Variants in IRAK3 observed in about 807,000 individuals in gnomAD.
The protein encoded by IRAK3 is interleukin-1 receptor-associated kinase 3.
Under a neutral mutation model 56.6 loss-of-function variants are expected in IRAK3, and 57 were observed. The ratio of observed to expected loss-of-function variants is 1.01; its 90% CI spans 0.81 to 1.26. IRAK3 has a LOEUF of 1.26. IRAK3 is among the 50% of genes most tolerant of loss of function. The pLI is 0.00. For synonymous variants in IRAK3, 258 were observed against 255.7 expected (o/e 1.01, Z -0.09); for missense variants, 703 against 719.0 (o/e 0.98, Z 0.25).
chr12:66,248,102 C>T lies in IRAK3; in HGVS notation c.1722C>T (p.Ser574=). Reference sequence around the variant, plus strand: ...AAGCTCCAGGGCATTCTTGCAGGAGCAGGCCAGTGGAGAGCAGCTGTTCCT... The same window carrying T: ...AAGCTCCAGGGCATTCTTGCAGGAGTAGGCCAGTGGAGAGCAGCTGTTCCT... ...SSEAPGHSCR[S]RPVESSCSSK... is the part of the protein sequence containing the mutation. The change falls in exon 12 of 12, where the codon AGC becomes AGT. Residue 574 remains serine (S), a synonymous_variant. Coordinates refer to ENST00000261233, the MANE Select transcript of IRAK3 (RefSeq NM_007199.3). The T allele has an allele frequency of 4.4e-6, 7 of 1,606,036 alleles. No individual in the cohort carries two copies. Among genetic ancestry groups the T allele is most frequent in the African/African-American group, 2.7e-5 (2 of 74,400 alleles).
At chr12:66,246,072 CATG>C (rs3045277) in intron 11 of IRAK3, among the ~76,000 whole-genome samples, 110,492 of 151,576 alleles carry the variant, frequency 0.73, 42,806 homozygotes, top group Non-Finnish European at 0.86. Context: ...GCAAGAGAAA[CATG>C]ATGATAGACA....
intron 5 of IRAK3, among the ~76,000 whole-genome samples, chr12:66,216,384 A>T (rs999204329): frequency 6.6e-5 from 10 of 152,330 alleles, no homozygotes; most frequent in Non-Finnish European, 1.0e-4. Flanking sequence ...AATAGTTTCC[A>T]AAATTCCTGT....
At position 66,221,464 on chromosome 12, in the gene IRAK3, T is replaced by A. The variant is rs2052732914; in HGVS notation, c.653+4229T>A. On this transcript the variant is annotated intron_variant, in intron 6 of 11. Coordinates refer to ENST00000261233, the MANE Select transcript of IRAK3 (RefSeq NM_007199.3). ...GAACTTAGAGGAAAAGCATTCAGCT[T>A]TTCACTGTTAAGGTATGATGTTAGC... is the stretch of plus-strand genomic sequence containing the variant. 2.6e-5 allele frequency among the ~76,000 whole-genome samples: 4 copies of A among 152,314 alleles called. No individual in the cohort carries two copies. The South Asian group carries it at 8.3e-4, about 32-fold the overall frequency.
chr12:66,206,897 T>C (rs1271726269), intron 2 of IRAK3, among the ~76,000 whole-genome samples: 1 of 152,228 alleles, frequency 6.6e-6, no homozygotes, highest in Admixed American at 6.5e-5. Context: ...TATGAGTCCA[T>C]GTATATTGTT....
chr12:66,240,898 A>G (rs1040236548), intron 8 of IRAK3, among the ~76,000 whole-genome samples: 2 of 151,466 alleles, frequency 1.3e-5, no homozygotes, highest in African/African-American at 2.4e-5. Context: ...TTAAAAACCA[A>G]TCATGCTCTT....
In IRAK3 at chr12:66,203,817, CAAGACCATCGGTGA is replaced by C. The variant is rs1364459031; in HGVS notation, c.241_254del (p.Lys81ProfsTer51). ...TACTTTGGTCCTGGGCACAGAAAAA[CAAGACCATCGGTGA>C]CCTTTTACAGGTCCTCCAGGAGATG... On this transcript the variant is annotated frameshift_variant, in exon 2 of 12. Coordinates refer to ENST00000261233, the MANE Select transcript of IRAK3 (RefSeq NM_007199.3). LOFTEE classifies it high-confidence loss of function. The C allele has an allele frequency of 1.2e-6, 2 of 1,613,926 alleles. No homozygotes were observed. The highest frequency in any genetic ancestry group is 2.7e-5 in the African/African-American group (2 of 74,940).
At chr12:66,218,492 A>G (rs1023364665) in intron 6 of IRAK3, among the ~76,000 whole-genome samples, 1 of 152,222 alleles carries the variant, frequency 6.6e-6, no homozygotes, top group South Asian at 2.1e-4. Context: ...GTCCTCCAAT[A>G]TAAGTTATAC....
intron 9 of IRAK3, 71 bp from the exon 10 acceptor site, chr12:66,244,877 G>C: frequency 8.3e-7 from 1 of 1,211,832 alleles, no homozygotes; most frequent in Non-Finnish European, 1.2e-6. Flanking sequence ...TCATAGTCAT[G>C]GTTAATAGTT....
chr12:66,243,222 G>A (rs888055705), intron 8 of IRAK3, among the ~76,000 whole-genome samples: 1 of 152,204 alleles, frequency 6.6e-6, no homozygotes, highest in Non-Finnish European at 1.5e-5. Flanking sequence ...TGAGTCCTCT[G>A]AACAGTAAGA....
chr12:66,230,731 G>C (rs2052836465), intron 8 of IRAK3, among the ~76,000 whole-genome samples: 1 of 152,064 alleles, frequency 6.6e-6, no homozygotes, highest in Admixed American at 6.5e-5. Flanking sequence ...GTGGGAGAGT[G>C]CACCATGGCA....
At chr12:66,198,101 C>T in intron 1 of IRAK3, 3 of 985,186 alleles carry the variant, frequency 3.0e-6, no homozygotes, top group Non-Finnish European at 3.6e-6. Context: ...ATCTGAGACT[C>T]CTGCTACTAT....
At chr12:66,245,033 C>A in intron 10 of IRAK3, 23 bp downstream of exon 10, 1 of 1,613,552 alleles carries the variant, frequency 6.2e-7, no homozygotes, top group Non-Finnish European at 8.5e-7. Flanking sequence ...TTCATCCTGG[C>A]ACCTATCTCT....
intron 8 of IRAK3, chr12:66,235,198 G>T (rs2052891486): frequency 1.2e-6 from 2 of 1,613,036 alleles, no homozygotes; most frequent in South Asian, 1.1e-5. Flanking sequence ...GGGCCATGGG[G>T]TGGGCTGGGA....
At chr12:66,232,572 C>T (rs1204486975) in intron 8 of IRAK3, among the ~76,000 whole-genome samples, 2 of 152,126 alleles carry the variant, frequency 1.3e-5, no homozygotes, top group African/African-American at 2.4e-5. Flanking sequence ...CCAGCAGCCT[C>T]GGCCAGATGT....
At position 66,252,948 on chromosome 12, in the gene IRAK3, A is replaced by G. The variant is rs1159336217; in HGVS notation, c.*4777A>G. 1 of 151,978 alleles carries G rather than the reference A, an allele frequency of 6.6e-6. No homozygotes were observed. The highest frequency in any genetic ancestry group is 1.5e-5 in the Non-Finnish European group (1 of 68,018). The allele number at this position is 151,978 out of a possible 1,614,324, so 9.4% of individuals were successfully genotyped here. A position where few individuals can be genotyped will look rare whatever the true frequency, so the allele number is the denominator to read the frequency against. On this transcript the variant is annotated 3_prime_UTR_variant, in exon 12 of 12. Coordinates refer to ENST00000261233, the MANE Select transcript of IRAK3 (RefSeq NM_007199.3). ...CCGGGGGTCTGAGGCACCTACACAA[A>G]CCTCAGGTCACTATCACGTGATACT...
intron 8 of IRAK3, among the ~76,000 whole-genome samples, chr12:66,236,084 A>G (rs984415548): frequency 2.6e-5 from 4 of 152,230 alleles, no homozygotes; most frequent in Admixed American, 1.3e-4. Context: ...TGTCATTTTT[A>G]TGGTTTTAAA....
At chr12:66,218,493 TAA>T (rs2052699524) in intron 6 of IRAK3, among the ~76,000 whole-genome samples, 2 of 152,208 alleles carry the variant, frequency 1.3e-5, no homozygotes, top group Admixed American at 6.5e-5. Context: ...TCCTCCAATA[TAA>T]GTTATACCAA....
At position 66,196,740 on chromosome 12, in the gene IRAK3, A is replaced by C; in HGVS notation, c.134-6971A>C. On this transcript the variant is annotated intron_variant, in intron 1 of 11. Transcript: ENST00000261233. ...GCTAACAGTCTGGTATGAAGAATAG[A>C]TCTAACTTATAATTTTGACTTTTGT... 6.5e-6 allele frequency: 5 copies of C among 771,638 alleles called. No individual in the cohort carries two copies. The Middle Eastern group carries it at 1.6e-3, about 240-fold the overall frequency. The allele number at this position is 771,638 out of a possible 1,614,324, so 47.8% of individuals were successfully genotyped here. A position where few individuals can be genotyped will look rare whatever the true frequency, so the allele number is the denominator to read the frequency against.
chr12:66,249,086 A>G lies in IRAK3; in HGVS notation c.*915A>G, dbSNP rs917071171. ...CTCTACAACCAGAAGTACTCCCTTT[A>G]TCAGTATTTCCACAGCAATTTCTTT... is the stretch of plus-strand genomic sequence containing the variant. On this transcript the variant is annotated 3_prime_UTR_variant, in exon 12 of 12. Coordinates refer to ENST00000261233, the MANE Select transcript of IRAK3 (RefSeq NM_007199.3). The G allele has an allele frequency of 1.3e-5, 2 of 152,072 alleles. No homozygotes were observed. Among genetic ancestry groups the G allele is most frequent in the African/African-American group, 2.4e-5 (1 of 41,408 alleles). The allele number at this position is 152,072 out of a possible 1,614,324, so 9.4% of individuals were successfully genotyped here. A position where few individuals can be genotyped will look rare whatever the true frequency, so the allele number is the denominator to read the frequency against.
Sources: allele counts gnomAD v4.1 joint callset (sites outside exome capture counted in the v4.1 genomes callset), GRCh38; gene constraint gnomAD v4.1.1; transcripts MANE v1.5; gene names NCBI Gene and HGNC (gene_info 2026-07-23, HGNC 2026-07-21).